Variants in TACR3 observed in about 807,000 individuals in gnomAD.
The protein encoded by TACR3 is tachykinin receptor 3.
A neutral mutation model predicts 35.0 loss-of-function variants in TACR3; 34 were observed. The ratio of observed to expected loss-of-function variants is 0.97; its 90% confidence interval spans 0.74 to 1.30. The LOEUF (loss-of-function observed/expected upper bound fraction) is 1.30. Among genes scored for constraint, TACR3 ranks in the 50% most tolerant of loss-of-function variants. The pLI is 0.00. For missense variants in TACR3, 558 were observed against 591.7 expected, an observed-to-expected ratio of 0.94 and a Z score of 0.59; for synonymous variants, 233 against 221.1, an observed-to-expected ratio of 1.05 and a Z score of -0.48.
intron 3 of TACR3, among the ~76,000 whole-genome samples, chr4:103,614,157 C>T (rs1724579191): frequency 1.3e-5 from 2 of 151,918 alleles, no homozygotes; most frequent in South Asian, 4.1e-4. Flanking sequence ...ATGTTTAGTT[C>T]TATTACTTTC....
At chr4:103,606,505 C>G (rs1724369782) in intron 3 of TACR3, among the ~76,000 whole-genome samples, 1 of 152,138 alleles carries the variant, frequency 6.6e-6, no homozygotes, top group Admixed American at 6.6e-5. Flanking sequence ...TTTCACTGAG[C>G]AGTGGTTTGT....
chr4:103,627,352 T>TAAAAAAAA (rs869215834), intron 3 of TACR3, among the ~76,000 whole-genome samples: 7 of 82,424 alleles, frequency 8.5e-5, no homozygotes, highest in African/African-American at 3.4e-4. Flanking sequence ...GTGTTTCCAT[T>TAAAAAAAA]AAAAAAAAAA....
intron 3 of TACR3, among the ~76,000 whole-genome samples, chr4:103,619,203 T>C (rs1421870723): frequency 6.6e-6 from 1 of 152,154 alleles, no homozygotes; most frequent in East Asian, 1.9e-4. Context: ...CTTCCTATTT[T>C]TTTTTTGACG....
intron 3 of TACR3, among the ~76,000 whole-genome samples, chr4:103,607,220 G>A (rs1724395931): frequency 6.6e-6 from 1 of 152,068 alleles, no homozygotes; most frequent in Non-Finnish European, 1.5e-5. Context: ...GTATTGTTAA[G>A]CATGTTTTTG....
intron 3 of TACR3, among the ~76,000 whole-genome samples, chr4:103,648,702 G>C (rs946713539): frequency 1.3e-5 from 2 of 152,078 alleles, no homozygotes; most frequent in Non-Finnish European, 2.9e-5. Context: ...GGACATTTAG[G>C]TTGCTTCCAA....
intron 3 of TACR3, among the ~76,000 whole-genome samples, chr4:103,613,473 C>A (rs1360978423): frequency 6.6e-6 from 1 of 151,590 alleles, no homozygotes; most frequent in Admixed American, 6.6e-5. Context: ...GTGTGCGCTA[C>A]CACGCCCGGC....
chr4:103,713,511 T>C (rs1452882797), intron 1 of TACR3, among the ~76,000 whole-genome samples: 1 of 148,594 alleles, frequency 6.7e-6, no homozygotes. Flanking sequence ...TTAGGAAATA[T>C]ACCTAATGTA....
intron 1 of TACR3, among the ~76,000 whole-genome samples, chr4:103,689,248 T>G: frequency 2.3e-5 from 2 of 86,846 alleles, no homozygotes; most frequent in Non-Finnish European, 4.2e-5. Context: ...TGGGGACTGT[T>G]GTGGGGTCGG....
chr4:103,673,059 A>G (rs548383929), intron 1 of TACR3, among the ~76,000 whole-genome samples: 2 of 152,272 alleles, frequency 1.3e-5, no homozygotes, highest in African/African-American at 4.8e-5. Flanking sequence ...CATTGAAAAG[A>G]GCTAGATCCT....
intron 3 of TACR3, among the ~76,000 whole-genome samples, chr4:103,606,927 T>C (rs1381452934): frequency 6.6e-6 from 1 of 152,140 alleles, no homozygotes; most frequent in Non-Finnish European, 1.5e-5. Flanking sequence ...CTTCCAGTTT[T>C]TGCCCATTCA....
At chr4:103,688,579 G>T (rs1348626107) in intron 1 of TACR3, among the ~76,000 whole-genome samples, 1 of 149,994 alleles carries the variant, frequency 6.7e-6, no homozygotes, top group Non-Finnish European at 1.5e-5. Context: ...CCATCAAAAA[G>T]TGGGCGAAGG....
chr4:103,656,730 A>T (rs997405877), intron 2 of TACR3, among the ~76,000 whole-genome samples: 2 of 152,052 alleles, frequency 1.3e-5, no homozygotes, highest in African/African-American at 2.4e-5. Context: ...TAAATGAATC[A>T]ACCGGCATAT....
intron 3 of TACR3, among the ~76,000 whole-genome samples, chr4:103,599,448 C>T (rs916390723): frequency 1.3e-5 from 2 of 152,098 alleles, no homozygotes; most frequent in Non-Finnish European, 2.9e-5. Context: ...CCCTTTATTC[C>T]CTTCTCCTGT....
intron 1 of TACR3, among the ~76,000 whole-genome samples, chr4:103,693,055 T>G (rs759002176): frequency 4.6e-5 from 7 of 152,190 alleles, no homozygotes; most frequent in Non-Finnish European, 1.0e-4. Flanking sequence ...ATACTGCCAC[T>G]AAAGGACAGA....
chr4:103,639,911 C>A (rs938574373), intron 3 of TACR3, among the ~76,000 whole-genome samples: 6 of 151,860 alleles, frequency 4.0e-5, no homozygotes. Context: ...TAATAAGCAC[C>A]AATCAATGCT....
At chr4:103,619,529 G>A (rs1232488429) in intron 3 of TACR3, among the ~76,000 whole-genome samples, 1 of 152,058 alleles carries the variant, frequency 6.6e-6, no homozygotes, top group Non-Finnish European at 1.5e-5. Context: ...TTGCCTGACT[G>A]CTCTGGCTGA....
intron 1 of TACR3, among the ~76,000 whole-genome samples, chr4:103,673,208 T>C (rs1020493343): frequency 6.6e-5 from 10 of 152,170 alleles, no homozygotes. Flanking sequence ...ACTTTTAATT[T>C]CCATTAATAA....
intron 1 of TACR3, among the ~76,000 whole-genome samples, chr4:103,689,859 A>T (rs1254323253): frequency 2.0e-5 from 3 of 152,178 alleles, no homozygotes; most frequent in Non-Finnish European, 4.4e-5. Context: ...AACTGAAATT[A>T]TGATAAATGC....
At chr4:103,638,046 A>G (rs1191821865) in intron 3 of TACR3, among the ~76,000 whole-genome samples, 2 of 152,236 alleles carry the variant, frequency 1.3e-5, no homozygotes, top group East Asian at 3.8e-4. Flanking sequence ...TGCCATACCC[A>G]TGAAGCTACC....
Sources: allele counts gnomAD v4.1 joint callset (sites outside exome capture counted in the v4.1 genomes callset), GRCh38; gene constraint gnomAD v4.1.1; transcripts MANE v1.5; gene names NCBI Gene and HGNC (gene_info 2026-07-23, HGNC 2026-07-21).